The following ELAPOR2 variants were observed in gnomAD, a reference collection of about 807,000 sequenced individuals.
ELAPOR2 encodes endosome/lysosome-associated apoptosis and autophagy regulator family member 2.
ELAPOR2 carries 89 observed loss-of-function variants against 120.7 expected under a neutral mutation model. The ratio of observed to expected loss-of-function variants is 0.74; its 90% CI spans 0.62 to 0.88. The LOEUF is 0.88. ELAPOR2 is among the 40% of genes least tolerant of loss of function. The pLI, the probability that ELAPOR2 is intolerant of heterozygous loss-of-function variation, is 0.00. For missense variants in ELAPOR2, 1,134 were observed against 1,251.6 expected (o/e 0.91, Z 1.42); for synonymous variants, 444 against 444.9 (o/e 1.00, Z 0.03).
chr7:86,904,792 A>T (rs550882699), intron 18 of ELAPOR2, among the ~76,000 whole-genome samples: 2 of 152,164 alleles, frequency 1.3e-5, no homozygotes, highest in Non-Finnish European at 2.9e-5. Flanking sequence ...ACATTTTCCC[A>T]GGACACCAAG....
chr7:86,947,583 C>T (rs1011573017), intron 3 of ELAPOR2, 144 bp downstream of exon 3: 40 of 695,390 alleles, frequency 5.8e-5, no homozygotes, highest in Admixed American at 4.1e-4. Context: ...TTGCAATGAC[C>T]GTCCAAAAAA....
At chr7:86,943,418 A>G (rs533068941) in intron 4 of ELAPOR2, among the ~76,000 whole-genome samples, 2 of 152,128 alleles carry the variant, frequency 1.3e-5, no homozygotes, top group African/African-American at 2.4e-5. Flanking sequence ...GCATATTTCA[A>G]TCTACAAACA....
Position 86,892,990 on chromosome 7 carries a change from G to A in ELAPOR2, c.2796C>T (p.Ala932=), listed in dbSNP as rs138964931. The A allele has an allele frequency of 5.5e-5, 87 of 1,574,596 alleles. No individual in the cohort carries two copies. Among genetic ancestry groups the A allele is most frequent in the Admixed American group, 2.0e-4 (10 of 49,360 alleles). ...ETVDFWLKVG[A]GVGAFTAVLL... Reference sequence around the variant, plus strand: ...AAACGGCAGTAAAAGCTCCCACACCGGCTCCCACCTTCAGCCAAAAGTCAA... The same window carrying A: ...AAACGGCAGTAAAAGCTCCCACACCAGCTCCCACCTTCAGCCAAAAGTCAA... The change falls in exon 20 of 22, where the codon GCC becomes GCT. Residue 932 remains alanine (A), a synonymous_variant. Transcript: ENST00000450689.
chr7:87,040,109 C>G (rs1027308367), intron 1 of ELAPOR2, among the ~76,000 whole-genome samples: 40 of 152,208 alleles, frequency 2.6e-4, no homozygotes, highest in Non-Finnish European at 2.5e-4. Flanking sequence ...GCACCTGGCT[C>G]GGAGGGTCCT....
rs974354764 is a variant in ELAPOR2 at position 86,887,239 on chromosome 7, T to G, written c.3030+4485A>C. Among the ~76,000 whole-genome samples the G allele has an allele frequency of 2.6e-5, 4 of 152,198 alleles. No individual in the cohort carries two copies. In the East Asian group the frequency reaches 7.7e-4, roughly 29 times the overall value. On this transcript the variant is annotated intron_variant, in intron 21 of 21. Coordinates refer to ENST00000450689, the MANE Select transcript of ELAPOR2 (RefSeq NM_001142749.3). Reference sequence around the variant, plus strand: ...ATTGAATCAAGCTCCTGATAGAGACTAGACAAGACAGACTGTCACAAATGG... The same window carrying G: ...ATTGAATCAAGCTCCTGATAGAGACGAGACAAGACAGACTGTCACAAATGG...
chr7:87,036,978 C>A (rs1237534976), intron 1 of ELAPOR2, among the ~76,000 whole-genome samples: 1 of 152,120 alleles, frequency 6.6e-6, no homozygotes, highest in South Asian at 2.1e-4. Context: ...AATCACCCTG[C>A]CTATATCATA....
Position 86,878,069 on chromosome 7 carries a change from T to G in ELAPOR2, c.*2402A>C, listed in dbSNP as rs1799237702. The G allele has an allele frequency of 6.6e-6, 1 of 152,210 alleles. No individual in the cohort carries two copies. Among genetic ancestry groups the G allele is most frequent in the Non-Finnish European group, 1.5e-5 (1 of 68,034 alleles). The allele number at this position is 152,210 out of a possible 1,614,324, so 9.4% of individuals were successfully genotyped here. A position where few individuals can be genotyped will look rare whatever the true frequency, so the allele number is the denominator to read the frequency against. ...TTGACTTAATGAAGTAGTTAAGGCT[T>G]CAAAATTGTGCCTTTTAGAAAAATA... On this transcript the variant is annotated 3_prime_UTR_variant, in exon 22 of 22. Coordinates refer to ENST00000450689, the MANE Select transcript of ELAPOR2 (RefSeq NM_001142749.3).
chr7:86,976,540 G>A (rs1353750734), intron 1 of ELAPOR2, among the ~76,000 whole-genome samples: 1 of 152,142 alleles, frequency 6.6e-6, no homozygotes, highest in Admixed American at 6.5e-5. Flanking sequence ...AGGGGCAGAT[G>A]ATCCTGCCCC....
chr7:86,965,710 T>G, intron 1 of ELAPOR2: 1 of 515,488 alleles, frequency 1.9e-6, no homozygotes, highest in South Asian at 8.4e-5. Context: ...TACACATAAG[T>G]GATATTTAAA....
rs3057442 is a variant in ELAPOR2, at chr7:86,924,374, T to TACACACACACACAC, written c.1399+1140_1399+1153dup. Among the ~76,000 whole-genome samples, 455 of 145,312 alleles carry TACACACACACACAC rather than the reference T, an allele frequency of 3.1e-3. 2 individuals are homozygous for TACACACACACACAC. The highest frequency in any genetic ancestry group is 0.025 in the East Asian group (123 of 4,844). On this transcript the variant is annotated intron_variant, in intron 10 of 21. Transcript: ENST00000450689. ...CAGGTAATCTTTACTAGTAAGTGAATACACACACACACACACACACACACA... is the reference window on the plus strand; with the variant it reads ...CAGGTAATCTTTACTAGTAAGTGAATACACACACACACACACACACACACACACACACACACACA...
In ELAPOR2 at chr7:86,966,000, AT is replaced by A. The variant is rs780476483; in HGVS notation, c.190-977del. 58 of 981,762 alleles carry A rather than the reference AT, an allele frequency of 5.9e-5. 1 individual carries two copies. Among genetic ancestry groups the A allele is most frequent in the Non-Finnish European group, 6.5e-5 (54 of 826,610 alleles). 60.8% of individuals were successfully genotyped at this position (981,762 alleles called of 1,614,324 possible). ...CACTTTGCTAACAATGACTGTCCTA[AT>A]TTTAACATTTTTTGCAATCTAGATA... On this transcript the variant is annotated intron_variant, in intron 1 of 21. Coordinates refer to ENST00000450689, the MANE Select transcript of ELAPOR2 (RefSeq NM_001142749.3).
intron 18 of ELAPOR2, among the ~76,000 whole-genome samples, chr7:86,902,646 G>C (rs1788778337): frequency 6.6e-6 from 1 of 152,128 alleles, no homozygotes; most frequent in South Asian, 2.1e-4. Flanking sequence ...AAGTAAAAAG[G>C]GCTCCACAGA....
intron 2 of ELAPOR2, among the ~76,000 whole-genome samples, chr7:86,960,342 C>T (rs887901961): frequency 2.0e-5 from 3 of 152,158 alleles, no homozygotes; most frequent in South Asian, 4.1e-4. Context: ...CCTCTGCCTC[C>T]CAGGTTCAAG....
At chr7:87,014,904 T>C (rs1416075823) in intron 1 of ELAPOR2, among the ~76,000 whole-genome samples, 1 of 152,146 alleles carries the variant, frequency 6.6e-6, no homozygotes, top group Non-Finnish European at 1.5e-5. Context: ...TTCACAGGTG[T>C]ATGCATTTGT....
intron 19 of ELAPOR2, among the ~76,000 whole-genome samples, chr7:86,895,077 A>C (rs188595499): frequency 6.6e-6 from 1 of 152,128 alleles, no homozygotes; most frequent in Non-Finnish European, 1.5e-5. Flanking sequence ...AATTGTAAAG[A>C]TGGTGTCGGA....
intron 13 of ELAPOR2, among the ~76,000 whole-genome samples, chr7:86,913,513 TA>T (rs1485123839): frequency 2.0e-5 from 3 of 152,182 alleles, no homozygotes; most frequent in Non-Finnish European, 4.4e-5. Context: ...TAGTATAGTT[TA>T]AGAGAGGAAC....
At chr7:87,037,444 T>A (rs796884510) in intron 1 of ELAPOR2, among the ~76,000 whole-genome samples, 17 of 152,206 alleles carry the variant, frequency 1.1e-4, no homozygotes, top group African/African-American at 4.1e-4. Flanking sequence ...TAAGTCATGG[T>A]AGACTGAAAT....
At chr7:86,928,128 ACT>A (rs139248957) in intron 8 of ELAPOR2, among the ~76,000 whole-genome samples, 8,815 of 151,898 alleles carry the variant, frequency 0.058, 839 homozygotes, top group African/African-American at 0.2. Context: ...TCTTTTTACA[ACT>A]CTCTTTTTCC....
chr7:86,897,472 T>C (rs1788490232), intron 19 of ELAPOR2, 34 bp downstream of exon 19: 3 of 1,601,042 alleles, frequency 1.9e-6, no homozygotes, highest in Non-Finnish European at 1.7e-6. Context: ...CCAACTATAA[T>C]GCCGAAGCTC....
Sources: allele counts gnomAD v4.1 joint callset (sites outside exome capture counted in the v4.1 genomes callset), GRCh38; gene constraint gnomAD v4.1.1; transcripts MANE v1.5; gene names NCBI Gene and HGNC (gene_info 2026-07-23, HGNC 2026-07-21).